The following WDR45 variants were observed in gnomAD, a reference collection of about 807,000 sequenced individuals.
WDR45 encodes the protein WD repeat domain 45.
WDR45 carries 2 observed loss-of-function variants against 27.3 expected under a neutral mutation model. The ratio of observed to expected loss-of-function variants is 0.07; its 90% CI spans 0.03 to 0.23. The LOEUF is 0.23. Ranked by LOEUF, WDR45 falls within the 10% of genes least tolerant of loss-of-function variation. The pLI, the probability that WDR45 is intolerant of heterozygous loss-of-function variation, is 1.00. For synonymous variants in WDR45, 99 were observed against 119.2 expected, an observed-to-expected ratio of 0.83 and a Z score of 1.11; for missense variants, 175 against 311.9, an observed-to-expected ratio of 0.56 and a Z score of 3.31.
At chrX:49,091,673 C>A (rs1281803236) in intron 2 of WDR45, among the ~76,000 whole-genome samples, 1 of 89,582 alleles carries the variant, frequency 1.1e-5, no homozygotes, top group African/African-American at 4.4e-5. Context: ...GGCGTGAACC[C>A]GGGAAGCGGA....
chrX:49,088,322 G>A (rs1379971894), intron 2 of WDR45, among the ~76,000 whole-genome samples: 1 of 111,537 alleles, frequency 9.0e-6, no homozygotes. Context: ...CAGGAGAATC[G>A]CTTGAATCCT....
At chrX:49,081,118 C>G (rs1395620355), upstream of WDR45, among the ~76,000 whole-genome samples, 13 of 108,626 alleles carry the variant, frequency 1.2e-4, no homozygotes, top group African/African-American at 4.3e-4. Context: ...GTTGATCAGT[C>G]TGGTCTTGAA....
At chrX:49,091,053 G>A (rs1197346545) in intron 2 of WDR45, among the ~76,000 whole-genome samples, 1 of 109,267 alleles carries the variant, frequency 9.2e-6, no homozygotes, top group East Asian at 2.9e-4. Context: ...TCAATCTCCT[G>A]ACCTCGTGAT....
At chrX:49,075,023 C>T in intron 10 of WDR45, 111 bp from the exon 11 acceptor site, 2 of 1,141,910 alleles carry the variant, frequency 1.8e-6, no homozygotes, top group Non-Finnish European at 1.2e-6. Context: ...CCAGTGCTGT[C>T]CCCCTTACTG....
intron 2 of WDR45, among the ~76,000 whole-genome samples, chrX:49,095,637 T>A (rs2065122327): frequency 9.3e-6 from 1 of 107,779 alleles, no homozygotes; most frequent in Non-Finnish European, 1.9e-5. Flanking sequence ...ATTTTTTGTA[T>A]TTTTAGTAGA....
chrX:49,089,408 T>G (rs921227517), intron 2 of WDR45, among the ~76,000 whole-genome samples: 3 of 110,674 alleles, frequency 2.7e-5, no homozygotes, highest in Non-Finnish European at 5.7e-5. Flanking sequence ...GACAAAGTTT[T>G]TTTTGAGACA....
At chrX:49,097,430 G>A (rs1261357017) in intron 2 of WDR45, among the ~76,000 whole-genome samples, 1 of 107,217 alleles carries the variant, frequency 9.3e-6, no homozygotes, top group African/African-American at 3.4e-5. Flanking sequence ...GGTTTTAAGC[G>A]ATTCTCCTGT....
chrX:49,086,176 G>T (rs2065085448), intron 2 of WDR45, among the ~76,000 whole-genome samples: 1 of 111,622 alleles, frequency 9.0e-6, no homozygotes, highest in African/African-American at 3.3e-5. Context: ...ATTTGAGATG[G>T]AGTTTCACTC....
rs2065048694 is a variant in WDR45, at chrX:49,078,125, G to A, written c.-17-13C>T. Reference sequence around the variant, plus strand: ...CAGGATTGTTCCTCTGCATACAAATGGGATAAAGATGAGAAGAGTCCTGGA... The same window carrying A: ...CAGGATTGTTCCTCTGCATACAAATAGGATAAAGATGAGAAGAGTCCTGGA... On this transcript the variant is annotated splice_polypyrimidine_tract_variant and intron_variant, in intron 1 of 10. Transcript: ENST00000376372. 8.3e-7 allele frequency: 1 copy of A among 1,199,345 alleles called. No homozygotes were observed. Among genetic ancestry groups the A allele is most frequent in the African/African-American group, 1.7e-5 (1 of 57,154 alleles).
intron 1 of WDR45, among the ~76,000 whole-genome samples, chrX:49,079,391 A>C (rs782226662): frequency 9.2e-6 from 1 of 108,487 alleles, no homozygotes; most frequent in African/African-American, 3.4e-5. Context: ...GTCCCCTACT[A>C]AGATTACTGC....
intron 4 of WDR45, 193 bp downstream of exon 4, chrX:49,077,450 A>G: frequency 2.1e-6 from 1 of 478,793 alleles, no homozygotes; most frequent in Non-Finnish European, 3.8e-6. Flanking sequence ...GGAGGCACTC[A>G]ATCAGAATTT....
At chrX:49,097,366 C>T (rs1454203214) in intron 2 of WDR45, among the ~76,000 whole-genome samples, 1 of 96,390 alleles carries the variant, frequency 1.0e-5, no homozygotes, top group Non-Finnish European at 2.0e-5. Flanking sequence ...CTCGCTCTGT[C>T]GCCAGGCTGG....
intron 6 of WDR45, 36 bp downstream of exon 6, chrX:49,076,394 T>C (rs782578503): frequency 3.4e-6 from 4 of 1,191,364 alleles, no homozygotes; most frequent in Non-Finnish European, 4.6e-6. Context: ...ATCCACTGTT[T>C]CATGCCCTTA....
chrX:49,078,635 C>T (rs908553429), intron 1 of WDR45, among the ~76,000 whole-genome samples: 5 of 112,192 alleles, frequency 4.5e-5, no homozygotes, highest in African/African-American at 1.6e-4. Flanking sequence ...AAGCTCCAGG[C>T]CCACACTGAC....
At chrX:49,099,646 T>A (rs2065138081) in intron 2 of WDR45, among the ~76,000 whole-genome samples, 1 of 108,958 alleles carries the variant, frequency 9.2e-6, no homozygotes, top group Non-Finnish European at 1.9e-5. Context: ...CCGGGCGTGG[T>A]GGCGGGCGCC....
intron 10 of WDR45, 81 bp downstream of exon 10, chrX:49,075,055 T>C (rs2065028147): frequency 8.5e-7 from 1 of 1,177,448 alleles, no homozygotes; most frequent in African/African-American, 1.7e-5. Flanking sequence ...GAGCCTCACA[T>C]GGCCCTAAAA....
rs140596058 is a variant in WDR45 at position 49,076,515 on chromosome X, G to A, written c.351C>T (p.Ile117=). Residue 117 remains isoleucine (I), a synonymous_variant, in exon 6 of 11, where the codon ATC becomes ATT. Transcript: ENST00000376372. ...ACACATAGATGCGGTTCTTCAGCAC[G>A]ATCACGATCCTGTGGGTATCACACA... ...SVRMRHDKIV[I]VLKNRIYVYS... 2,486 of 1,210,619 alleles carry A rather than the reference G, an allele frequency of 2.1e-3. 3 individuals carry two copies. The highest frequency in any genetic ancestry group is 2.6e-3 in the Non-Finnish European group (2,362 of 895,239).
In WDR45 at chrX:49,077,756, G is replaced by C. The variant is rs376395688; in HGVS notation, c.131-9C>G. ...GCCCACCTGCTCGTGGTCTGGACAG[G>C]GACCAGGGTGTCAGTGGAGGTGGGA... On this transcript the variant is annotated splice_polypyrimidine_tract_variant and intron_variant, in intron 3 of 10. Coordinates refer to ENST00000376372, the MANE Select transcript of WDR45 (RefSeq NM_001029896.2). 8.3e-7 allele frequency: 1 copy of C among 1,199,573 alleles called. No homozygotes were observed. The highest frequency in any genetic ancestry group is 1.1e-6 in the Non-Finnish European group (1 of 888,476).
chrX:49,096,926 G>A (rs2065127474), intron 2 of WDR45, among the ~76,000 whole-genome samples: 1 of 111,576 alleles, frequency 9.0e-6, no homozygotes, highest in African/African-American at 3.3e-5. Context: ...GCTAATAAGA[G>A]ATGGGGTTCC....
Sources: allele counts gnomAD v4.1 joint callset (sites outside exome capture counted in the v4.1 genomes callset), GRCh38; gene constraint gnomAD v4.1.1; transcripts MANE v1.5; gene names NCBI Gene and HGNC (gene_info 2026-07-23, HGNC 2026-07-21).